Variants in CATSPERB observed in about 807,000 individuals in gnomAD.
CATSPERB encodes cation channel sperm-associated auxiliary subunit beta.
CATSPERB carries 93 observed loss-of-function variants against 128.3 expected under a neutral mutation model. The ratio of observed to expected loss-of-function variants is 0.72; its 90% CI spans 0.61 to 0.86. The LOEUF is 0.86. CATSPERB is among the 40% of genes least tolerant of loss of function. CATSPERB has a pLI of 0.00. For missense variants in CATSPERB, 1,153 were observed against 1,329.5 expected, an observed-to-expected ratio of 0.87 and a Z score of 2.06; for synonymous variants, 381 against 448.8, an observed-to-expected ratio of 0.85 and a Z score of 1.91.
At chr14:91,695,901 T>G (rs1006985849) in intron 7 of CATSPERB, among the ~76,000 whole-genome samples, 7 of 152,124 alleles carry the variant, frequency 4.6e-5, no homozygotes, top group African/African-American at 1.7e-4. Flanking sequence ...TCGGGGAATG[T>G]TGTGAGGGTA....
intron 19 of CATSPERB, among the ~76,000 whole-genome samples, chr14:91,618,696 A>G (rs954019843): frequency 1.3e-5 from 2 of 152,224 alleles, no homozygotes; most frequent in African/African-American, 4.8e-5. Context: ...CCTGTTTGCA[A>G]CTTTGCCATA....
Position 91,624,810 on chromosome 14 carries a change from T to C in CATSPERB, c.1930+10A>G, listed in dbSNP as rs1237779272. ...TAGCCATCAGAGATGTATGATATTA[T>C]TATACCTACCTTGTGAATCAAGAGT... On this transcript the variant is annotated intron_variant, in intron 18 of 26. Transcript: ENST00000256343. 6.4e-7 allele frequency: 1 copy of C among 1,570,838 alleles called. No individual in the cohort carries two copies. The highest frequency in any genetic ancestry group is 2.3e-5 in the East Asian group (1 of 44,184).
At chr14:91,713,824 A>G (rs1450433006) in intron 5 of CATSPERB, among the ~76,000 whole-genome samples, 1 of 152,302 alleles carries the variant, frequency 6.6e-6, no homozygotes, top group East Asian at 1.9e-4. Context: ...TCATTTTATA[A>G]TGACAACCTT....
Position 91,673,147 on chromosome 14 carries a change from C to T in CATSPERB, c.979-131G>A, listed in dbSNP as rs560586890. On this transcript the variant is annotated intron_variant, in intron 12 of 26. Coordinates refer to ENST00000256343, the MANE Select transcript of CATSPERB (RefSeq NM_024764.4). ...TTGAACAAACATAGAAATTAACCTTCCCTCCCTGGTCTTAAAACCCACTGG... is the reference window on the plus strand; with the variant it reads ...TTGAACAAACATAGAAATTAACCTTTCCTCCCTGGTCTTAAAACCCACTGG... The T allele has an allele frequency of 3.0e-5, 23 of 767,188 alleles. No homozygotes were observed. In the East Asian group the frequency reaches 6.9e-4, roughly 23 times the overall value. The allele number at this position is 767,188 out of a possible 1,614,324, so 47.5% of individuals were successfully genotyped here.
chr14:91,639,198 T>A lies in CATSPERB; in HGVS notation c.1485A>T (p.Leu495Phe). 1.9e-6 allele frequency: 3 copies of A among 1,613,912 alleles called. No homozygotes were observed. The highest frequency in any genetic ancestry group is 2.5e-6 in the Non-Finnish European group (3 of 1,179,844). ...VGSVTERIFTLYYDHLGFLHK... is the reference protein window; with the variant it reads ...VGSVTERIFTFYYDHLGFLHK... ...GTAGGAATCCCAAGTGATCATAGTATAATGTGAAAATTCTCTCAGTAACAC... is the reference window on the plus strand; with the variant it reads ...GTAGGAATCCCAAGTGATCATAGTAAAATGTGAAAATTCTCTCAGTAACAC... The change falls in exon 16 of 27, where the codon TTA (leucine) becomes TTT (phenylalanine). Residue 495 changes from leucine to phenylalanine, a missense_variant. Transcript: ENST00000256343.
intron 14 of CATSPERB, among the ~76,000 whole-genome samples, chr14:91,662,955 T>C (rs1244308985): frequency 6.6e-6 from 1 of 152,212 alleles, no homozygotes. Flanking sequence ...CTTAGTTAAA[T>C]GTATTGTAAA....
At position 91,583,587 on chromosome 14, in the gene CATSPERB, A is replaced by G. The variant is rs529096108; in HGVS notation, c.3133-2480T>C. Among the ~76,000 whole-genome samples the G allele has an allele frequency of 7.9e-5, 12 of 152,316 alleles. No homozygotes were observed. In the South Asian group the frequency reaches 2.5e-3, roughly 32 times the overall value. On this transcript the variant is annotated intron_variant, in intron 26 of 26. Coordinates refer to ENST00000256343, the MANE Select transcript of CATSPERB (RefSeq NM_024764.4). ...CTTCTAATCTTCTTCAACCATCCAA[A>G]TATTCCACACCATTTCTAAAAAACG...
chr14:91,601,541 C>T (rs886555961), intron 22 of CATSPERB, among the ~76,000 whole-genome samples: 8 of 152,070 alleles, frequency 5.3e-5, no homozygotes, highest in Admixed American at 2.0e-4. Context: ...AGTGGAGAAA[C>T]TAAGGCACAG....
Position 91,704,703 on chromosome 14 carries a change from T to C in CATSPERB, c.467-2A>G. ...CAGGAGTCCACTGAAGAATCGGTTCTGTGGAAATCAAATTTGGGTGTTTAA... is the reference window on the plus strand; with the variant it reads ...CAGGAGTCCACTGAAGAATCGGTTCCGTGGAAATCAAATTTGGGTGTTTAA... On this transcript the variant is annotated splice_acceptor_variant, in intron 6 of 26. Transcript: ENST00000256343. LOFTEE classifies it high-confidence loss of function. 4.3e-6 allele frequency: 7 copies of C among 1,609,558 alleles called. No individual in the cohort carries two copies. Among genetic ancestry groups the C allele is most frequent in the East Asian group, 2.2e-5 (1 of 44,820 alleles).
At chr14:91,593,032 T>G (rs1333604355) in intron 22 of CATSPERB, among the ~76,000 whole-genome samples, 1 of 151,884 alleles carries the variant, frequency 6.6e-6, no homozygotes, top group Non-Finnish European at 1.5e-5. Flanking sequence ...AGGGTGGAGG[T>G]CCCAAGCCTT....
chr14:91,661,996 T>A (rs1174217854), intron 14 of CATSPERB, among the ~76,000 whole-genome samples: 1 of 152,170 alleles, frequency 6.6e-6, no homozygotes, highest in Non-Finnish European at 1.5e-5. Context: ...AAAAATGACA[T>A]CTCATTGTGT....
chr14:91,728,838 G>A (rs11621684), intron 2 of CATSPERB, among the ~76,000 whole-genome samples: 13,273 of 152,108 alleles, frequency 0.087, 633 homozygotes, highest in Middle Eastern at 0.13. Context: ...TGGGACAAAC[G>A]TACAGAAAAA....
Position 91,581,086 on chromosome 14 carries a change from A to G in CATSPERB, c.3154T>C (p.Leu1052=), listed in dbSNP as rs1320979998. 3 of 1,614,018 alleles carry G rather than the reference A, an allele frequency of 1.9e-6. No individual in the cohort carries two copies. The highest frequency in any genetic ancestry group is 2.5e-6 in the Non-Finnish European group (3 of 1,179,932). The part of the protein sequence containing the change: ...EFQIYVDEAP[L]PFPGHTLIAV... The stretch of plus-strand genomic sequence containing the variant: ...ATAAGCGTGTGTCCTGGGAATGGCA[A>G]TGGTGCCTCATCAACATAAATCTGC... Residue 1052 remains leucine (L), a synonymous_variant, in exon 27 of 27, where the codon TTG becomes CTG. Coordinates refer to ENST00000256343, the MANE Select transcript of CATSPERB (RefSeq NM_024764.4).
intron 26 of CATSPERB, among the ~76,000 whole-genome samples, chr14:91,582,463 G>A (rs993797879): frequency 9.8e-5 from 15 of 152,302 alleles, no homozygotes; most frequent in Admixed American, 3.3e-4. Flanking sequence ...GGGGTGGGTC[G>A]CCGGTGAAAC....
At chr14:91,616,274 T>G (rs1165499725) in intron 20 of CATSPERB, among the ~76,000 whole-genome samples, 1 of 152,174 alleles carries the variant, frequency 6.6e-6, no homozygotes, top group Non-Finnish European at 1.5e-5. Flanking sequence ...AAAACTTATC[T>G]TTCATCTTTC....
intron 24 of CATSPERB, among the ~76,000 whole-genome samples, chr14:91,588,503 T>C (rs548056349): frequency 6.6e-6 from 1 of 152,280 alleles, no homozygotes; most frequent in African/African-American, 2.4e-5. Flanking sequence ...AAACGATTTA[T>C]AATAAGGTGG....
intron 20 of CATSPERB, among the ~76,000 whole-genome samples, chr14:91,616,336 A>T (rs1349614446): frequency 3.3e-5 from 5 of 151,346 alleles, no homozygotes; most frequent in Admixed American, 2.6e-4. Context: ...GATTTACAAT[A>T]AAAAAAAAGA....
At chr14:91,724,879 T>C (rs1566741945) in intron 3 of CATSPERB, among the ~76,000 whole-genome samples, 1 of 152,198 alleles carries the variant, frequency 6.6e-6, no homozygotes, top group Non-Finnish European at 1.5e-5. Flanking sequence ...CAGGATGCTC[T>C]ATGGCTAAGT....
chr14:91,646,990 G>A (rs983940516), intron 15 of CATSPERB, among the ~76,000 whole-genome samples: 5 of 152,286 alleles, frequency 3.3e-5, no homozygotes, highest in South Asian at 4.1e-4. Flanking sequence ...AGGCTGAGGC[G>A]GGCAGATCAC....
Sources: gnomAD v4.1 joint callset for allele counts (sites outside exome capture counted in the v4.1 genomes callset) on GRCh38, gnomAD v4.1.1 for gene constraint, MANE v1.5 for transcripts, NCBI Gene and HGNC (gene_info 2026-07-23, HGNC 2026-07-21) for gene names.